The following TMX2 variants were observed in gnomAD, a reference collection of about 807,000 sequenced individuals.
TMX2 encodes the protein thioredoxin related transmembrane protein 2, also known as thioredoxin-related transmembrane protein 2.
A neutral mutation model predicts 33.4 loss-of-function variants in TMX2; 20 were observed. The observed-to-expected ratio is 0.60, with a 90% CI of 0.42 to 0.87. The LOEUF is 0.87. Among genes scored for constraint, TMX2 ranks in the 40% least tolerant of loss-of-function variants. The pLI is 0.00. For synonymous variants in TMX2, 166 were observed against 140.7 expected, an observed-to-expected ratio of 1.18 and a Z score of -1.27; for missense variants, 340 against 370.7, an observed-to-expected ratio of 0.92 and a Z score of 0.68.
intron 1 of TMX2, chr11:57,717,901 A>G (rs1276633291): frequency 1.6e-6 from 1 of 618,186 alleles, no homozygotes. Flanking sequence ...GAACAAGGAA[A>G]ACACGGAACC....
rs543588131 is a variant in TMX2, at chr11:57,715,756, T to C, written c.189+2949T>C. Among the ~76,000 whole-genome samples the C allele has an allele frequency of 2.0e-3, 302 of 151,522 alleles. 3 individuals are homozygous for C. The highest frequency in any genetic ancestry group is 6.8e-3 in the African/African-American group (281 of 41,202). On this transcript the variant is annotated intron_variant, in intron 1 of 7. Transcript: ENST00000278422. ...CTTCCGCAGTGTTTGTGTCCCTGGG[T>C]ACTTGAGATTAGGGAGTGGTGATGA...
At chr11:57,718,391 C>G (rs1220622835) in intron 1 of TMX2, 6 of 1,437,626 alleles carry the variant, frequency 4.2e-6, no homozygotes, top group Admixed American at 1.7e-5. Context: ...GGAACTCTTA[C>G]AACCAAATCC....
At chr11:57,718,122 A>G (rs1040670803) in intron 1 of TMX2, 8 of 1,192,594 alleles carry the variant, frequency 6.7e-6, no homozygotes, top group South Asian at 3.6e-5. Context: ...GGCCTCTGCA[A>G]TATTCATGCC....
chr11:57,715,187 C>G (rs1449771495), intron 1 of TMX2, among the ~76,000 whole-genome samples: 1 of 151,920 alleles, frequency 6.6e-6, no homozygotes, highest in Non-Finnish European at 1.5e-5. Context: ...ATTTCCTGAG[C>G]TCAGGAGTTC....
At chr11:57,718,219 T>G in intron 1 of TMX2, 2 of 1,427,474 alleles carry the variant, frequency 1.4e-6, no homozygotes, top group Non-Finnish European at 2.0e-6. Context: ...CCTTTTGTGT[T>G]GGGTCCAGCA....
chr11:57,730,015 T>A (rs1364304395), intron 1 of TMX2, among the ~76,000 whole-genome samples: 1 of 146,214 alleles, frequency 6.8e-6, no homozygotes, highest in Non-Finnish European at 1.5e-5. Flanking sequence ...GAGGCAGGAG[T>A]ATCGCTTGAA....
Position 57,738,344 on chromosome 11 carries a change from C to CTG in TMX2, c.365-8_365-7dup. On this transcript the variant is annotated splice_polypyrimidine_tract_variant and intron_variant, in intron 3 of 7. Transcript: ENST00000278422. ...TTATGTTTCCTTCGACATCTTCTTTCTGTATTTAGTGTTCCTGATGACGTG... is the reference window on the plus strand; with the variant it reads ...TTATGTTTCCTTCGACATCTTCTTTCTGTGTATTTAGTGTTCCTGATGACGTG... 6.3e-7 allele frequency: 1 copy of CTG among 1,588,412 alleles called. No homozygotes were observed. Among genetic ancestry groups the CTG allele is most frequent in the Non-Finnish European group, 8.6e-7 (1 of 1,157,954 alleles).
chr11:57,716,424 G>A (rs1379787893), intron 1 of TMX2, among the ~76,000 whole-genome samples: 1 of 132,812 alleles, frequency 7.5e-6, no homozygotes, highest in African/African-American at 2.8e-5. Context: ...CGGACGGGGC[G>A]GCTGGCCGGG....
intron 4 of TMX2, 62 bp downstream of exon 4, chr11:57,738,492 C>A: frequency 7.4e-7 from 1 of 1,354,462 alleles, no homozygotes; most frequent in South Asian, 1.2e-5. Flanking sequence ...TAGTTGTGCT[C>A]TCCATTCACT....
chr11:57,716,386 C>T (rs1269872723), intron 1 of TMX2, among the ~76,000 whole-genome samples: 3 of 73,892 alleles, frequency 4.1e-5, no homozygotes, highest in African/African-American at 4.1e-5. Context: ...GCTGGCCGGG[C>T]GAGGGGCTGA....
chr11:57,737,962 C>A lies in TMX2; in HGVS notation c.300C>A (p.Ala100=), dbSNP rs761048610. The part of the protein sequence containing the change: ...IGNIFMFSKV[A]NTILFFRLDI... ...ACATTTTCATGTTTAGTAAAGTGGC[C>A]AACACAATTCTTTTCTTCCGCTTGG... is the stretch of plus-strand genomic sequence containing the variant. The change falls in exon 3 of 8, where the codon GCC becomes GCA. Residue 100 remains alanine, a synonymous_variant. Coordinates refer to ENST00000278422, the MANE Select transcript of TMX2 (RefSeq NM_015959.4). 6.2e-7 allele frequency: 1 copy of A among 1,614,028 alleles called. No homozygotes were observed. The highest frequency in any genetic ancestry group is 1.1e-5 in the South Asian group (1 of 91,078).
chr11:57,736,716 G>A (rs1189154008), intron 1 of TMX2, among the ~76,000 whole-genome samples: 4 of 151,622 alleles, frequency 2.6e-5, no homozygotes, highest in South Asian at 2.1e-4. Context: ...GGGGAGACCC[G>A]GTCTCTACAA....
intron 1 of TMX2, chr11:57,717,950 AC>A (rs1195368669): frequency 1.3e-5 from 9 of 695,498 alleles, no homozygotes; most frequent in Non-Finnish European, 2.3e-5. Flanking sequence ...ATTCTAGGAT[AC>A]TGCGAGCAAA....
At chr11:57,725,511 T>C (rs1394234492) in intron 1 of TMX2, among the ~76,000 whole-genome samples, 1 of 151,950 alleles carries the variant, frequency 6.6e-6, no homozygotes, top group African/African-American at 2.4e-5. Context: ...CCGAGGCGGG[T>C]GGATCACTTG....
At chr11:57,738,167 T>G (rs1176093646) in intron 3 of TMX2, 141 bp downstream of exon 3, 2 of 753,794 alleles carry the variant, frequency 2.7e-6, no homozygotes, top group African/African-American at 3.5e-5. Context: ...CCTAATGAAT[T>G]ATATATGTAG....
intron 1 of TMX2, among the ~76,000 whole-genome samples, chr11:57,725,502 C>A (rs532570636): frequency 1.3e-5 from 2 of 152,044 alleles, no homozygotes; most frequent in African/African-American, 4.8e-5. Context: ...TTTGGGAGAC[C>A]GAGGCGGGTG....
At chr11:57,731,172 C>G (rs1357908541) in intron 1 of TMX2, among the ~76,000 whole-genome samples, 2 of 119,352 alleles carry the variant, frequency 1.7e-5, no homozygotes, top group African/African-American at 6.4e-5. Flanking sequence ...GTTTCACTCT[C>G]GCTCAGGCTG....
chr11:57,721,884 A>G (rs1374460638), intron 1 of TMX2, among the ~76,000 whole-genome samples: 2 of 152,180 alleles, frequency 1.3e-5, no homozygotes, highest in Non-Finnish European at 2.9e-5. Flanking sequence ...TTAATTTGAG[A>G]CACCAGCTAG....
At chr11:57,729,056 GCATCAATCCACCACA>G (rs560580805) in intron 1 of TMX2, among the ~76,000 whole-genome samples, 182 of 151,810 alleles carry the variant, frequency 1.2e-3, no homozygotes, top group African/African-American at 2.0e-3. Context: ...CAAGCAGCAC[GCATCAATCCACCACA>G]CATCAATCCA....
Sources: gnomAD v4.1 joint callset for allele counts (sites outside exome capture counted in the v4.1 genomes callset) on GRCh38, gnomAD v4.1.1 for gene constraint, MANE v1.5 for transcripts, NCBI Gene and HGNC (gene_info 2026-07-23, HGNC 2026-07-21) for gene names.